The following WDR62 variants were observed in gnomAD, a reference collection of about 807,000 sequenced individuals.
The protein encoded by WDR62 is WD repeat domain 62, also known as WD repeat-containing protein 62.
A neutral mutation model predicts 160.6 loss-of-function variants in WDR62; 112 were observed. The ratio of observed to expected loss-of-function variants is 0.70; its 90% confidence interval spans 0.60 to 0.82. The LOEUF is 0.82. Ranked by LOEUF, WDR62 falls within the 40% of genes least tolerant of loss-of-function variation. The probability of loss-of-function intolerance (pLI) is 0.00; values close to 1 mark genes in which losing one functional copy is unlikely to be tolerated. For synonymous variants in WDR62, 792 were observed against 815.1 expected (o/e 0.97, Z 0.48); for missense variants, 1,819 against 1,983.8 (o/e 0.92, Z 1.58).
intron 9 of WDR62, among the ~76,000 whole-genome samples, chr19:36,080,029 A>G (rs893122092): frequency 4.6e-5 from 7 of 152,032 alleles, no homozygotes; most frequent in African/African-American, 1.7e-4. Context: ...TTCATTCTAA[A>G]TATCTTTAGT....
Position 36,094,175 on chromosome 19 carries a change from G to T in WDR62, c.2467+11G>T. The T allele has an allele frequency of 6.2e-7, 1 of 1,613,770 alleles. No individual in the cohort carries two copies. Among genetic ancestry groups the T allele is most frequent in the Non-Finnish European group, 8.5e-7 (1 of 1,179,946 alleles). On this transcript the variant is annotated intron_variant, in intron 20 of 31. Transcript: ENST00000401500. ...ATAGCTTGGATCCAGGTTGGAAAAGGGGCCCTATTTTGAACTATGTCAGTG... is the reference window on the plus strand; with the variant it reads ...ATAGCTTGGATCCAGGTTGGAAAAGTGGCCCTATTTTGAACTATGTCAGTG...
intron 11 of WDR62, among the ~76,000 whole-genome samples, chr19:36,083,841 G>A (rs1224731062): frequency 6.6e-6 from 1 of 152,234 alleles, no homozygotes; most frequent in Admixed American, 6.5e-5. Flanking sequence ...GCAGCCCCAG[G>A]AGAGTAGGCT....
rs1356495166 is a variant in WDR62, at chr19:36,054,993, G to A, written c.22G>A (p.Gly8Ser). 4 of 1,606,186 alleles carry A rather than the reference G, an allele frequency of 2.5e-6. No individual in the cohort carries two copies. Among genetic ancestry groups the A allele is most frequent in the Non-Finnish European group, 3.4e-6 (4 of 1,177,880 alleles). Residue 8 changes from glycine to serine, a missense_variant, in exon 1 of 32, where the codon GGC becomes AGC. Physicochemically the swap from Gly to Ser is moderately conservative, Grantham distance 56. Coordinates refer to ENST00000401500, the MANE Select transcript of WDR62 (RefSeq NM_001083961.2). ...GACGATGGCGGCCGTAGGGTCCGGA[G>A]GCTATGCGCGGAACGATGCAGGGGA... is the stretch of plus-strand genomic sequence containing the variant. The part of the protein sequence containing the change: MAAVGSG[G>S]YARNDAGEKL...
chr19:36,085,125 AT>A (rs1291222583), intron 12 of WDR62, among the ~76,000 whole-genome samples: 5 of 150,428 alleles, frequency 3.3e-5, no homozygotes, highest in Non-Finnish European at 4.4e-5. Flanking sequence ...AAATTCCTCA[AT>A]TTTTTTTTTG....
At chr19:36,071,937 A>G (rs2145628752) in intron 8 of WDR62, among the ~76,000 whole-genome samples, 1 of 152,364 alleles carries the variant, frequency 6.6e-6, no homozygotes, top group South Asian at 2.1e-4. Context: ...TGAGAAAACA[A>G]AGGAATAATA....
intron 21 of WDR62, among the ~76,000 whole-genome samples, chr19:36,098,041 G>A (rs183822873): frequency 8.0e-4 from 121 of 152,194 alleles, no homozygotes; most frequent in South Asian, 3.5e-3. Context: ...CAGCCTATAC[G>A]TGTAAAAGCC....
chr19:36,101,136 TA>T, intron 23 of WDR62, 77 bp from the exon 24 acceptor site: 2 of 1,394,164 alleles, frequency 1.4e-6, no homozygotes, highest in Non-Finnish European at 2.0e-6. Flanking sequence ...TACAGGTGCC[TA>T]GGGGCTCCGG....
rs769679657 is a variant in WDR62, at chr19:36,105,073, G to A, written c.*45G>A. On this transcript the variant is annotated 3_prime_UTR_variant, in exon 32 of 32. Coordinates refer to ENST00000401500, the MANE Select transcript of WDR62 (RefSeq NM_001083961.2). ...CAGCCCTGCTGCTTCTGAGGACTTA[G>A]GTATTTTAAGCGAATAAACTGACAG... is the stretch of plus-strand genomic sequence containing the variant. 2 of 1,571,104 alleles carry A rather than the reference G, an allele frequency of 1.3e-6. No individual in the cohort carries two copies. The highest frequency in any genetic ancestry group is 2.3e-5 in the East Asian group (1 of 43,906).
chr19:36,103,373 T>C lies in WDR62; in HGVS notation c.3545T>C (p.Val1182Ala). Reference sequence around the variant, plus strand: ...TGCCTTACGAGCCTGGCGTCCTGTGTCCCTGCTTCCTCCGTGCTGCCCACA... The same window carrying C: ...TGCCTTACGAGCCTGGCGTCCTGTGCCCCTGCTTCCTCCGTGCTGCCCACA... ...PPCLTSLASCVPASSVLPTDR... is the reference protein window; with the variant it reads ...PPCLTSLASCAPASSVLPTDR... Residue 1182 changes from valine (V) to alanine (A), a missense_variant, in exon 30 of 32, where the codon GTC becomes GCC. Transcript: ENST00000401500. 6.2e-7 allele frequency: 1 copy of C among 1,613,766 alleles called. No homozygotes were observed. The highest frequency in any genetic ancestry group is 8.5e-7 in the Non-Finnish European group (1 of 1,179,956).
rs1209595502 is a variant in WDR62 at position 36,073,630 on chromosome 19, A to G, written c.1233+99A>G. 4.1e-6 allele frequency: 4 copies of G among 977,310 alleles called. No individual in the cohort carries two copies. In the South Asian group the frequency reaches 5.5e-5, roughly 14 times the overall value. 60.5% of individuals were successfully genotyped at this position (977,310 alleles called of 1,614,324 possible). On this transcript the variant is annotated intron_variant, in intron 9 of 31. Coordinates refer to ENST00000401500, the MANE Select transcript of WDR62 (RefSeq NM_001083961.2). ...TAATTCCTTCAGAAGATACTCATTG[A>G]CTCCCTCCTATGCATCAGGCCCTGT...
At chr19:36,061,486 T>C (rs1970643442) in intron 3 of WDR62, 1 of 152,258 alleles carries the variant, frequency 6.6e-6, no homozygotes, top group Non-Finnish European at 1.5e-5. Flanking sequence ...CAAATGTCCC[T>C]TTTGTTTGGA....
At chr19:36,089,739 C>T (rs763614474) in intron 15 of WDR62, among the ~76,000 whole-genome samples, 2 of 152,218 alleles carry the variant, frequency 1.3e-5, no homozygotes, top group Non-Finnish European at 2.9e-5. Context: ...CCACCGTGCC[C>T]GGCCACCAGC....
intron 10 of WDR62, among the ~76,000 whole-genome samples, chr19:36,082,102 T>C (rs1444857771): frequency 1.3e-5 from 2 of 152,228 alleles, no homozygotes; most frequent in African/African-American, 2.4e-5. Context: ...CAGACACTTA[T>C]TAACGTCCAT....
At position 36,102,928 on chromosome 19, in the gene WDR62, C is replaced by G; in HGVS notation, c.3336-20C>G. ...GGGCAGGCTGAATGAGAATCATCCC[C>G]CCTGCTCTCCTCCCCACAGGTTCAC... On this transcript the variant is annotated intron_variant, in intron 27 of 31. Transcript: ENST00000401500. 1 of 1,614,160 alleles carries G rather than the reference C, an allele frequency of 6.2e-7. No individual in the cohort carries two copies. The highest frequency in any genetic ancestry group is 1.1e-5 in the South Asian group (1 of 91,086).
intron 3 of WDR62, 109 bp from the exon 4 acceptor site, chr19:36,065,849 C>T (rs1970907940): frequency 9.1e-7 from 1 of 1,099,568 alleles, no homozygotes; most frequent in Admixed American, 1.7e-5. Context: ...CTGGCCTCTT[C>T]CGAGGCTTGG....
chr19:36,074,661 A>G (rs1257781054), intron 9 of WDR62, among the ~76,000 whole-genome samples: 1 of 152,198 alleles, frequency 6.6e-6, no homozygotes, highest in African/African-American at 2.4e-5. Flanking sequence ...CCTTTTGAAT[A>G]GGCAGCATTC....
chr19:36,099,676 T>G (rs1973209377), intron 22 of WDR62, 59 bp downstream of exon 22: 15 of 1,566,064 alleles, frequency 9.6e-6, no homozygotes, highest in Non-Finnish European at 8.8e-6. Context: ...CCCCAGGGCC[T>G]GGCGCCTTAG....
chr19:36,091,358 CT>C, intron 17 of WDR62, 43 bp from the exon 18 acceptor site: 1 of 1,607,332 alleles, frequency 6.2e-7, no homozygotes, highest in South Asian at 1.1e-5. Context: ...CGCCCACACC[CT>C]CTGACTCCGA....
chr19:36,062,936 C>T (rs1422856481), intron 3 of WDR62, among the ~76,000 whole-genome samples: 1 of 150,536 alleles, frequency 6.6e-6, no homozygotes, highest in East Asian at 1.9e-4. Context: ...CTTTTCTTGA[C>T]TTTCAGGATC....
Sources: gnomAD v4.1 joint callset for allele counts (sites outside exome capture counted in the v4.1 genomes callset) on GRCh38, gnomAD v4.1.1 for gene constraint, MANE v1.5 for transcripts, NCBI Gene and HGNC (gene_info 2026-07-23, HGNC 2026-07-21) for gene names.